Variants in PECAM1 observed in about 807,000 individuals in gnomAD.
PECAM1 encodes the protein platelet and endothelial cell adhesion molecule 1.
PECAM1 carries 8 observed loss-of-function variants against 13.8 expected under a neutral mutation model. The ratio of observed to expected loss-of-function variants is 0.58; its 90% CI spans 0.34 to 1.05. The LOEUF (loss-of-function observed/expected upper bound fraction) is 1.05, where lower values mean the gene tolerates loss of function less well. Among genes scored for constraint, PECAM1 ranks in the 50% least tolerant of loss-of-function variants. PECAM1 has a pLI of 0.03. For synonymous variants in PECAM1, 136 were observed against 52.6 expected (o/e 2.58, Z -6.86); for missense variants, 304 against 141.2 (o/e 2.15, Z -5.84).
intron 15 of PECAM1, 44 bp downstream of exon 15, chr17:64,329,656 A>T: frequency 2.7e-6 from 2 of 737,494 alleles, no homozygotes; most frequent in East Asian, 2.6e-5. Context: ...TTCACTGTTC[A>T]GTGGAGTACT....
rs115791711 is a variant in PECAM1, at chr17:64,322,995, C to A, written c.*821G>T. On this transcript the variant is annotated 3_prime_UTR_variant, in exon 16 of 16. Coordinates refer to ENST00000563924, the MANE Select transcript of PECAM1 (RefSeq NM_000442.5). ...GTGCTGGGATTACAGGCGTGAGCCACCTTGCCTGCCCTGGCAAGGAATACA... is the reference window on the plus strand; with the variant it reads ...GTGCTGGGATTACAGGCGTGAGCCAACTTGCCTGCCCTGGCAAGGAATACA... 3,722 of 973,702 alleles carry A rather than the reference C, an allele frequency of 3.8e-3. 117 individuals are homozygous for A. The African/African-American group carries it at 0.061, about 16-fold the overall frequency. The allele number at this position is 973,702 out of a possible 1,614,324, so 60.3% of individuals were successfully genotyped here.
At chr17:64,361,156 T>TGTGTGTGC (rs1216808041) in intron 6 of PECAM1, among the ~76,000 whole-genome samples, 1 of 150,672 alleles carries the variant, frequency 6.6e-6, no homozygotes, top group Non-Finnish European at 1.5e-5. Flanking sequence ...TGTGTGTGTG[T>TGTGTGTGC]GTGTTCTGAG....
intron 14 of PECAM1, among the ~76,000 whole-genome samples, chr17:64,340,915 G>A (rs1425840033): frequency 6.6e-6 from 1 of 152,070 alleles, no homozygotes; most frequent in Non-Finnish European, 1.5e-5. Flanking sequence ...TTGACCAACA[G>A]GGAGAAACCC....
chr17:64,352,763 T>A (rs2035755825), intron 10 of PECAM1, among the ~76,000 whole-genome samples: 2 of 152,032 alleles, frequency 1.3e-5, no homozygotes, highest in Non-Finnish European at 2.9e-5. Flanking sequence ...CAAGCGATTC[T>A]CGTGCCTCAG....
chr17:64,387,517 A>G (rs1284055912), intron 2 of PECAM1, among the ~76,000 whole-genome samples: 1 of 152,014 alleles, frequency 6.6e-6, no homozygotes, highest in Non-Finnish European at 1.5e-5. Context: ...GCAGAAATAG[A>G]GATTCTAGAA....
intron 15 of PECAM1, among the ~76,000 whole-genome samples, chr17:64,325,705 C>G (rs2034935862): frequency 6.6e-6 from 1 of 152,182 alleles, no homozygotes; most frequent in Non-Finnish European, 1.5e-5. Flanking sequence ...CCCCTGCACT[C>G]CAGCCTGGGT....
intron 14 of PECAM1, among the ~76,000 whole-genome samples, chr17:64,334,262 C>T (rs1411666037): frequency 6.6e-6 from 1 of 152,164 alleles, no homozygotes; most frequent in African/African-American, 2.4e-5. Flanking sequence ...GGCCCTGGGG[C>T]TGCTCCTTGG....
At chr17:64,359,470 C>T (rs923701568) in intron 7 of PECAM1, among the ~76,000 whole-genome samples, 10 of 152,200 alleles carry the variant, frequency 6.6e-5, no homozygotes, top group East Asian at 1.9e-4. Flanking sequence ...CAGGGTTGCC[C>T]GGCTAGGAGT....
chr17:64,346,660 C>G (rs2035577523), intron 13 of PECAM1, among the ~76,000 whole-genome samples: 2 of 152,054 alleles, frequency 1.3e-5, no homozygotes, highest in African/African-American at 2.4e-5. Context: ...TTTTATGGTG[C>G]CCAAAACAAA....
chr17:64,325,143 C>A (rs1323445088), intron 15 of PECAM1, among the ~76,000 whole-genome samples: 4 of 152,240 alleles, frequency 2.6e-5, no homozygotes, highest in African/African-American at 4.8e-5. Flanking sequence ...AATCCCAACA[C>A]TTTGGGAGGC....
chr17:64,325,138 C>T (rs1219218647), intron 15 of PECAM1, among the ~76,000 whole-genome samples: 1 of 152,198 alleles, frequency 6.6e-6, no homozygotes, highest in African/African-American at 2.4e-5. Flanking sequence ...CCTGTAATCC[C>T]AACACTTTGG....
In PECAM1 at chr17:64,354,407, C is replaced by A. The variant is rs1002880783; in HGVS notation, c.1888+526G>T. Among the ~76,000 whole-genome samples the A allele has an allele frequency of 4.6e-5, 7 of 152,296 alleles. No individual in the cohort carries two copies. The South Asian group carries it at 1.2e-3, about 27-fold the overall frequency. On this transcript the variant is annotated intron_variant, in intron 9 of 15. Transcript: ENST00000563924. ...GCCCCTCCTCACCCCATCTTCCCCT[C>A]CCATCCTGGGCAGCAGCACCAGAGG...
intron 4 of PECAM1, among the ~76,000 whole-genome samples, chr17:64,374,774 ACT>A (rs1172753230): frequency 5.2e-5 from 6 of 115,480 alleles, no homozygotes; most frequent in Admixed American, 1.1e-4. Flanking sequence ...ACAGAGCGAG[ACT>A]CTGTCTCAAA....
intron 12 of PECAM1, among the ~76,000 whole-genome samples, chr17:64,349,581 CT>C (rs2035664007): frequency 1.2e-4 from 1 of 8,030 alleles, no homozygotes; most frequent in African/African-American, 1.4e-4. Context: ...GAGTAAGACT[CT>C]GTATCAAAAA....
chr17:64,327,520 C>T (rs2034989585), intron 15 of PECAM1, among the ~76,000 whole-genome samples: 2 of 152,172 alleles, frequency 1.3e-5, no homozygotes, highest in Admixed American at 1.3e-4. Context: ...TCCTGGCCTC[C>T]AGGAAGGGGG....
chr17:64,361,127 A>ATGTGTG (rs1384237450), intron 6 of PECAM1, among the ~76,000 whole-genome samples: 17 of 47,004 alleles, frequency 3.6e-4, no homozygotes, highest in East Asian at 2.6e-3. Context: ...GGCTGAGCAT[A>ATGTGTG]TATGTGTGTG....
rs147407941 is a variant in PECAM1 at position 64,325,939 on chromosome 17, G to A, written c.2188-2094C>T. On this transcript the variant is annotated intron_variant, in intron 15 of 15. Coordinates refer to ENST00000563924, the MANE Select transcript of PECAM1 (RefSeq NM_000442.5). ...AAGCTGTCCCCAAGAATTTTATATTGTATCAATTATTGATAAACAACACCA... is the reference window on the plus strand; with the variant it reads ...AAGCTGTCCCCAAGAATTTTATATTATATCAATTATTGATAAACAACACCA... Among the ~76,000 whole-genome samples, 790 of 152,222 alleles carry A rather than the reference G, an allele frequency of 5.2e-3. 5 individuals are homozygous for A. The highest frequency in any genetic ancestry group is 8.0e-3 in the Non-Finnish European group (547 of 68,018).
At chr17:64,383,096 A>G (rs996668474) in intron 2 of PECAM1, among the ~76,000 whole-genome samples, 2 of 152,138 alleles carry the variant, frequency 1.3e-5, no homozygotes, top group Admixed American at 6.6e-5. Flanking sequence ...ATTTAAAGCG[A>G]CTTCTCCAGC....
chr17:64,344,402 C>T, intron 13 of PECAM1, among the ~76,000 whole-genome samples: 1 of 152,194 alleles, frequency 6.6e-6, no homozygotes, highest in Non-Finnish European at 1.5e-5. Context: ...ATTTTGGCTT[C>T]TGTTTTTCTC....
Sources: gnomAD v4.1 joint callset for allele counts (sites outside exome capture counted in the v4.1 genomes callset) on GRCh38, gnomAD v4.1.1 for gene constraint, MANE v1.5 for transcripts, NCBI Gene and HGNC (gene_info 2026-07-23, HGNC 2026-07-21) for gene names.